DLC1: variants seen among roughly 807,000 people sequenced by gnomAD.
The protein encoded by DLC1 is DLC1 Rho GTPase activating protein.
In DLC1, 54 loss-of-function variants were observed where a neutral mutation model predicts 140.3. That is an observed-to-expected ratio of 0.38 (90% CI 0.31 to 0.48). The LOEUF (loss-of-function observed/expected upper bound fraction) is 0.48, where lower values mean the gene tolerates loss of function less well. DLC1 is among the 20% of genes least tolerant of loss of function. DLC1 has a pLI of 0.96. For missense variants in DLC1, 2,536 were observed against 1,907.0 expected, an observed-to-expected ratio of 1.33 and a Z score of -6.14; for synonymous variants, 986 against 728.1, an observed-to-expected ratio of 1.35 and a Z score of -5.70.
intron 1 of DLC1, among the ~76,000 whole-genome samples, chr8:13,590,077 A>ATATATATATATATATATATATATATAT: frequency 6.9e-6 from 1 of 145,278 alleles, no homozygotes; most frequent in African/African-American, 2.6e-5. Flanking sequence ...ATATATATAT[A>ATATATATATATATATATATATATATAT]CAAACACATG....
At chr8:13,579,015 C>T (rs1233571530) in intron 1 of DLC1, among the ~76,000 whole-genome samples, 8 of 151,490 alleles carry the variant, frequency 5.3e-5, no homozygotes, top group South Asian at 2.1e-4. Flanking sequence ...CGAGGCTATC[C>T]AGAAGCCCAC....
At chr8:13,434,313 T>C (rs896377973) in intron 2 of DLC1, among the ~76,000 whole-genome samples, 14 of 152,236 alleles carry the variant, frequency 9.2e-5, no homozygotes, top group African/African-American at 3.4e-4. Context: ...TTTTATCAGA[T>C]AACTCTCTAT....
At chr8:13,153,405 C>G (rs1823990158) in intron 5 of DLC1, among the ~76,000 whole-genome samples, 2 of 152,218 alleles carry the variant, frequency 1.3e-5, no homozygotes, top group Non-Finnish European at 2.9e-5. Context: ...ACTGTTACAG[C>G]TCATAAACGC....
rs141870355 is a variant in DLC1, at chr8:13,250,736, G to A, written c.1348+54533C>T. On this transcript the variant is annotated intron_variant, in intron 5 of 17. Transcript: ENST00000276297. ...ATTTAAGCATGTATTTAAGCAGAGT[G>A]GAAGTTGCTATTAATGAGAAAAAAA... Among the ~76,000 whole-genome samples, 54 of 151,154 alleles carry A rather than the reference G, an allele frequency of 3.6e-4. 2 individuals carry two copies. The East Asian group carries it at 9.5e-3, about 27-fold the overall frequency.
chr8:13,505,345 A>C (rs553435722), intron 1 of DLC1, among the ~76,000 whole-genome samples: 2 of 151,316 alleles, frequency 1.3e-5, no homozygotes, highest in Admixed American at 1.3e-4. Context: ...TAATGTTTAA[A>C]ATAGAAAAAA....
chr8:13,188,165 C>T (rs1476566544), intron 5 of DLC1, among the ~76,000 whole-genome samples: 1 of 145,312 alleles, frequency 6.9e-6, no homozygotes, highest in Non-Finnish European at 1.5e-5. Context: ...CTCACTGCAA[C>T]CTCTGTCTCC....
intron 5 of DLC1, among the ~76,000 whole-genome samples, chr8:13,162,501 T>G (rs891631174): frequency 6.6e-6 from 1 of 152,288 alleles, no homozygotes; most frequent in South Asian, 2.1e-4. Context: ...TTTTATATTT[T>G]TAGTAGAGAC....
intron 2 of DLC1, among the ~76,000 whole-genome samples, chr8:13,416,939 T>G (rs993303582): frequency 2.0e-5 from 3 of 152,126 alleles, no homozygotes; most frequent in Non-Finnish European, 2.9e-5. Flanking sequence ...TATTAAAATC[T>G]GTTATGTGCC....
chr8:13,511,937 T>C (rs141322071), intron 1 of DLC1, among the ~76,000 whole-genome samples: 1 of 152,016 alleles, frequency 6.6e-6, no homozygotes, highest in South Asian at 2.1e-4. Context: ...TAAAACTCTA[T>C]GAATAAGATT....
chr8:13,476,605 A>C (rs1800446197), intron 2 of DLC1, among the ~76,000 whole-genome samples: 1 of 152,176 alleles, frequency 6.6e-6, no homozygotes, highest in Non-Finnish European at 1.5e-5. Context: ...TGGTCCAGAC[A>C]AACCAGAATG....
At chr8:13,129,916 T>C (rs1227509302) in intron 5 of DLC1, among the ~76,000 whole-genome samples, 1 of 152,170 alleles carries the variant, frequency 6.6e-6, no homozygotes, top group African/African-American at 2.4e-5. Flanking sequence ...TTCAGGGTCT[T>C]TTATTTTTGC....
At chr8:13,582,514 G>A (rs1805142509) in intron 1 of DLC1, among the ~76,000 whole-genome samples, 1 of 151,988 alleles carries the variant, frequency 6.6e-6, no homozygotes, top group Non-Finnish European at 1.5e-5. Context: ...GGTTAGACTG[G>A]CCTGGGCTCC....
At chr8:13,435,474 T>C (rs1839077833) in intron 2 of DLC1, among the ~76,000 whole-genome samples, 1 of 152,104 alleles carries the variant, frequency 6.6e-6, no homozygotes, top group African/African-American at 2.4e-5. Context: ...CCTCCACACC[T>C]GACTAATTTT....
chr8:13,430,511 C>G (rs1376854926), intron 2 of DLC1, among the ~76,000 whole-genome samples: 2 of 152,050 alleles, frequency 1.3e-5, no homozygotes, highest in African/African-American at 4.8e-5. Context: ...CATTTTCATT[C>G]TTTTGAAAAA....
intron 1 of DLC1, among the ~76,000 whole-genome samples, chr8:13,541,508 G>C (rs1313807154): frequency 6.6e-6 from 1 of 152,052 alleles, no homozygotes; most frequent in Non-Finnish European, 1.5e-5. Context: ...TCTAATTGTG[G>C]TTTTAATTTT....
rs1379882764 is a variant in DLC1, at chr8:13,100,493, G to A, written c.1844C>T (p.Thr615Ile). The A allele has an allele frequency of 7.4e-6, 12 of 1,612,714 alleles. No individual in the cohort carries two copies. In the East Asian group the frequency reaches 1.3e-4, roughly 18 times the overall value. ...SHAPPSEDAATPRTNSVISVC... is the reference protein window; with the variant it reads ...SHAPPSEDAAIPRTNSVISVC... ...GCTGATGACGGAGTTAGTCCGGGGGGTGGCAGCATCCTCGCTGGGGGGCGC... is the reference window on the plus strand; with the variant it reads ...GCTGATGACGGAGTTAGTCCGGGGGATGGCAGCATCCTCGCTGGGGGGCGC... Residue 615 changes from threonine to isoleucine, a missense_variant, in exon 9 of 18, where the codon ACC becomes ATC. Transcript: ENST00000276297.
intron 4 of DLC1, among the ~76,000 whole-genome samples, chr8:13,324,651 T>C (rs913270439): frequency 8.5e-5 from 13 of 152,300 alleles, no homozygotes; most frequent in African/African-American, 3.1e-4. Flanking sequence ...TTCTTTGTGC[T>C]AACCTTCATA....
intron 4 of DLC1, among the ~76,000 whole-genome samples, chr8:13,310,812 C>A (rs925551108): frequency 2.6e-5 from 4 of 152,134 alleles, no homozygotes; most frequent in African/African-American, 9.7e-5. Flanking sequence ...TGACAGTCAT[C>A]ATTCTTTCAT....
chr8:13,587,560 C>A (rs1298508201), intron 1 of DLC1, among the ~76,000 whole-genome samples: 1 of 146,324 alleles, frequency 6.8e-6, no homozygotes, highest in Admixed American at 7.0e-5. Context: ...CACACACACA[C>A]ACACACACAG....
Sources: gnomAD v4.1 joint callset for allele counts (sites outside exome capture counted in the v4.1 genomes callset) on GRCh38, gnomAD v4.1.1 for gene constraint, MANE v1.5 for transcripts, NCBI Gene and HGNC (gene_info 2026-07-23, HGNC 2026-07-21) for gene names.